Variants in FNDC3A observed in about 807,000 individuals in gnomAD.
The protein encoded by FNDC3A is fibronectin type-III domain-containing protein 3A.
Under a neutral mutation model 148.9 loss-of-function variants are expected in FNDC3A, and 32 were observed. That is an observed-to-expected ratio of 0.21 (90% CI 0.16 to 0.29). FNDC3A has a LOEUF of 0.29. Among genes scored for constraint, FNDC3A ranks in the 10% least tolerant of loss-of-function variants. The probability of loss-of-function intolerance (pLI) is 1.00; values close to 1 mark genes in which losing one functional copy is unlikely to be tolerated. For missense variants in FNDC3A, 1,191 were observed against 1,452.8 expected (o/e 0.82, Z 2.93); for synonymous variants, 472 against 473.6 (o/e 1.00, Z 0.04).
chr13:49,155,175 G>A (rs1031982535), intron 8 of FNDC3A, among the ~76,000 whole-genome samples: 1 of 151,594 alleles, frequency 6.6e-6, no homozygotes, highest in African/African-American at 2.4e-5. Context: ...GTAAACTATT[G>A]ATTATCGCCA....
chr13:49,055,075 A>G (rs1236852939), intron 2 of FNDC3A, among the ~76,000 whole-genome samples: 1 of 151,204 alleles, frequency 6.6e-6, no homozygotes, highest in African/African-American at 2.4e-5. Context: ...ATTGTATTTC[A>G]CTGTGGCAGT....
chr13:49,123,689 G>A (rs1461051733), intron 4 of FNDC3A, among the ~76,000 whole-genome samples: 2 of 151,224 alleles, frequency 1.3e-5, no homozygotes, highest in Non-Finnish European at 2.9e-5. Context: ...GTGGGCGAAG[G>A]ATCTGAACAG....
chr13:49,087,193 TTAAAA>T (rs1878870777), intron 3 of FNDC3A, among the ~76,000 whole-genome samples: 1 of 152,120 alleles, frequency 6.6e-6, no homozygotes, highest in Non-Finnish European at 1.5e-5. Context: ...GTGAGTGCTA[TTAAAA>T]TAAGCAACAA....
chr13:49,156,067 G>T (rs1390575506), intron 8 of FNDC3A, among the ~76,000 whole-genome samples: 5,071 of 114,596 alleles, frequency 0.044, no homozygotes, highest in East Asian at 0.08. Flanking sequence ...TCAATTCCTG[G>T]GTATCCTTGT....
At chr13:49,187,269 ATATCT>A (rs1051634216) in intron 16 of FNDC3A, 79 bp downstream of exon 16, 2 of 1,088,170 alleles carry the variant, frequency 1.8e-6, no homozygotes, top group African/African-American at 1.6e-5. Flanking sequence ...ATTTTATGTC[ATATCT>A]TTTCTTTCTT....
At chr13:49,102,128 C>T (rs538779205) in intron 3 of FNDC3A, among the ~76,000 whole-genome samples, 5 of 151,696 alleles carry the variant, frequency 3.3e-5, no homozygotes, top group Non-Finnish European at 5.9e-5. Context: ...ATGAAGCAAG[C>T]GTAGCTTTTT....
intron 8 of FNDC3A, 99 bp from the exon 9 acceptor site, chr13:49,167,145 A>C: frequency 3.1e-6 from 2 of 641,704 alleles, no homozygotes; most frequent in Non-Finnish European, 5.3e-6. Context: ...TAAAGAAAGA[A>C]GTAGTTTCAT....
At chr13:49,162,240 A>G (rs2138026703) in intron 8 of FNDC3A, among the ~76,000 whole-genome samples, 1 of 152,342 alleles carries the variant, frequency 6.6e-6, no homozygotes, top group Admixed American at 6.5e-5. Context: ...ACTTACAGGT[A>G]CACCAATGAG....
intron 1 of FNDC3A, among the ~76,000 whole-genome samples, chr13:48,997,931 A>G (rs1288005672): frequency 1.3e-5 from 2 of 151,956 alleles, no homozygotes; most frequent in African/African-American, 2.4e-5. Context: ...GATTGCTGCA[A>G]CCAGACTGCT....
chr13:49,147,208 A>C (rs1290329743), intron 8 of FNDC3A, among the ~76,000 whole-genome samples: 1 of 152,166 alleles, frequency 6.6e-6, no homozygotes, highest in Non-Finnish European at 1.5e-5. Flanking sequence ...TATGTTAATG[A>C]CTGTTTTTTA....
At chr13:49,053,100 T>A (rs1000707408) in intron 2 of FNDC3A, among the ~76,000 whole-genome samples, 3 of 152,204 alleles carry the variant, frequency 2.0e-5, no homozygotes, top group Non-Finnish European at 4.4e-5. Flanking sequence ...CCGAGTCTAT[T>A]TCTAGGCAGC....
chr13:49,039,573 C>T (rs1308915586), intron 2 of FNDC3A, among the ~76,000 whole-genome samples: 1 of 152,060 alleles, frequency 6.6e-6, no homozygotes. Flanking sequence ...TCTTTTTTAT[C>T]GTTTATTAAG....
At chr13:48,985,091 A>G (rs1008661075) in intron 1 of FNDC3A, among the ~76,000 whole-genome samples, 1 of 152,226 alleles carries the variant, frequency 6.6e-6, no homozygotes, top group East Asian at 1.9e-4. Flanking sequence ...CATCAAACTT[A>G]GATGCCATTT....
At chr13:49,161,731 A>AGTGG (rs1884136056) in intron 8 of FNDC3A, among the ~76,000 whole-genome samples, 1 of 152,204 alleles carries the variant, frequency 6.6e-6, no homozygotes, top group Admixed American at 6.5e-5. Context: ...CATGTTTTGC[A>AGTGG]GTGGCTGGTA....
chr13:49,051,042 C>T (rs2137712610), intron 2 of FNDC3A, among the ~76,000 whole-genome samples: 1 of 152,216 alleles, frequency 6.6e-6, no homozygotes, highest in South Asian at 2.1e-4. Flanking sequence ...TTAGTCCTTA[C>T]ATGTTAGGTG....
chr13:49,098,416 A>G (rs1879663683), intron 3 of FNDC3A, among the ~76,000 whole-genome samples: 1 of 152,090 alleles, frequency 6.6e-6, no homozygotes, highest in African/African-American at 2.4e-5. Flanking sequence ...AGTAAATCCT[A>G]AGTGCTCCTT....
chr13:49,096,368 T>C (rs767761120), intron 3 of FNDC3A, among the ~76,000 whole-genome samples: 5 of 152,310 alleles, frequency 3.3e-5, no homozygotes, highest in South Asian at 2.1e-4. Context: ...CATTCACTTT[T>C]AAAGAATGAA....
intron 2 of FNDC3A, among the ~76,000 whole-genome samples, chr13:49,042,881 G>A (rs1054259867): frequency 3.9e-5 from 6 of 152,204 alleles, no homozygotes; most frequent in Non-Finnish European, 4.4e-5. Context: ...GTTACAGTTC[G>A]TTTCTGTTCC....
At chr13:49,057,555 G>A (rs184522668) in intron 2 of FNDC3A, among the ~76,000 whole-genome samples, 84 of 151,804 alleles carry the variant, frequency 5.5e-4, no homozygotes, top group African/African-American at 1.6e-3. Flanking sequence ...TGCATTTTTG[G>A]TTGTTTTGTG....
Sources: gnomAD v4.1 joint callset for allele counts (sites outside exome capture counted in the v4.1 genomes callset) on GRCh38, gnomAD v4.1.1 for gene constraint, MANE v1.5 for transcripts, NCBI Gene and HGNC (gene_info 2026-07-23, HGNC 2026-07-21) for gene names.